The following MEI4 variants were observed in gnomAD, a reference collection of about 807,000 sequenced individuals.
MEI4 encodes meiotic double-stranded break formation protein 4.
A neutral mutation model predicts 31.4 loss-of-function variants in MEI4; 27 were observed. The ratio of observed to expected loss-of-function variants is 0.86; its 90% confidence interval spans 0.63 to 1.19. The LOEUF (loss-of-function observed/expected upper bound fraction) is 1.19, where lower values mean the gene tolerates loss of function less well. MEI4 is among the 50% of genes most tolerant of loss of function. MEI4 has a pLI of 0.00. For synonymous variants in MEI4, 122 were observed against 145.4 expected (o/e 0.84, Z 1.16); for missense variants, 329 against 398.9 (o/e 0.82, Z 1.49).
At chr6:77,922,612 A>G (rs79203828) in intron 4 of MEI4, among the ~76,000 whole-genome samples, 199 of 151,848 alleles carry the variant, frequency 1.3e-3, no homozygotes, top group Non-Finnish European at 2.4e-3. Flanking sequence ...ATATGATTCA[A>G]TGCTACCCCT....
intron 4 of MEI4, among the ~76,000 whole-genome samples, chr6:77,841,331 A>ATTTTTT (rs1562008564): frequency 2.0e-4 from 7 of 35,448 alleles, no homozygotes; most frequent in African/African-American, 1.6e-3. Flanking sequence ...ATATATATAT[A>ATTTTTT]TATTTTTTTT....
intron 3 of MEI4, among the ~76,000 whole-genome samples, chr6:77,803,115 G>A (rs1368487868): frequency 6.6e-6 from 1 of 152,202 alleles, no homozygotes; most frequent in Non-Finnish European, 1.5e-5. Context: ...ACACCAATCA[G>A]TTGTAGATTT....
intron 3 of MEI4, among the ~76,000 whole-genome samples, chr6:77,793,134 A>G (rs546153768): frequency 6.6e-6 from 1 of 152,020 alleles, no homozygotes; most frequent in Non-Finnish European, 1.5e-5. Flanking sequence ...TTAAAGAGAG[A>G]CTCTTGAAAG....
chr6:77,742,303 G>T (rs558833981), intron 2 of MEI4, among the ~76,000 whole-genome samples: 186 of 151,634 alleles, frequency 1.2e-3, no homozygotes, highest in African/African-American at 4.4e-3. Flanking sequence ...ACTTTTTAAT[G>T]ATTGCCATTC....
chr6:77,902,875 C>T (rs1766213478), intron 4 of MEI4, among the ~76,000 whole-genome samples: 1 of 152,088 alleles, frequency 6.6e-6, no homozygotes, highest in Non-Finnish European at 1.5e-5. Context: ...ATGTATAAAA[C>T]CAAACTGTGT....
intron 3 of MEI4, among the ~76,000 whole-genome samples, chr6:77,824,833 A>T (rs181052598): frequency 6.4e-4 from 97 of 152,256 alleles, no homozygotes; most frequent in African/African-American, 1.6e-3. Flanking sequence ...CATTGTTCCA[A>T]TAGACATAAT....
rs1768032511 is a variant in MEI4, at chr6:77,761,052, G to A, written c.233-78G>A. 6 of 958,626 alleles carry A rather than the reference G, an allele frequency of 6.3e-6. No homozygotes were observed. In the South Asian group the frequency reaches 1.6e-4, roughly 26 times the overall value. The allele number at this position is 958,626 out of a possible 1,614,324, so 59.4% of individuals were successfully genotyped here. ...TTATATACTTCATTTCTTATTTTAA[G>A]ATAAGTATCAATGGCTAGTTTTACA... is the stretch of plus-strand genomic sequence containing the variant. On this transcript the variant is annotated intron_variant, in intron 2 of 4. Coordinates refer to ENST00000684080, the MANE Select transcript of MEI4 (RefSeq NM_001322247.2).
At chr6:77,652,385 T>C (rs927238577), upstream of MEI4, among the ~76,000 whole-genome samples, 1 of 152,190 alleles carries the variant, frequency 6.6e-6, no homozygotes, top group African/African-American at 2.4e-5. Context: ...GGTTTGCAAG[T>C]GGTCTTAAGG....
intron 4 of MEI4, among the ~76,000 whole-genome samples, chr6:77,884,652 T>A (rs78831918): frequency 6.6e-6 from 1 of 152,320 alleles, no homozygotes; most frequent in Non-Finnish European, 1.5e-5. Context: ...TTGTTGAAGA[T>A]CAGTTGGCTG....
intron 4 of MEI4, among the ~76,000 whole-genome samples, chr6:77,909,364 G>C (rs1766376996): frequency 6.6e-6 from 1 of 152,030 alleles, no homozygotes; most frequent in Non-Finnish European, 1.5e-5. Flanking sequence ...AATAAAAAAT[G>C]ATAAAGGGGA....
intron 3 of MEI4, among the ~76,000 whole-genome samples, chr6:77,798,694 C>G (rs1353791469): frequency 7.0e-6 from 1 of 142,608 alleles, no homozygotes; most frequent in Admixed American, 7.5e-5. Flanking sequence ...TTCCTGTGTC[C>G]ATGTGTTCTC....
chr6:77,683,236 A>G (rs1034269448), intron 1 of MEI4, among the ~76,000 whole-genome samples: 8 of 152,132 alleles, frequency 5.3e-5, no homozygotes, highest in Admixed American at 5.2e-4. Flanking sequence ...TTAATTAGCT[A>G]AAATCTTCTT....
intron 3 of MEI4, among the ~76,000 whole-genome samples, chr6:77,763,575 A>T (rs1005991833): frequency 6.6e-6 from 1 of 152,180 alleles, no homozygotes; most frequent in Non-Finnish European, 1.5e-5. Flanking sequence ...ATGGCAAGTG[A>T]CATAGGAAAT....
At chr6:77,914,686 A>G (rs1581976564) in intron 4 of MEI4, among the ~76,000 whole-genome samples, 1 of 152,092 alleles carries the variant, frequency 6.6e-6, no homozygotes, top group South Asian at 2.1e-4. Context: ...GAAGTTCCCA[A>G]CTATTAGAGT....
chr6:77,840,014 C>T (rs537245408), intron 4 of MEI4, among the ~76,000 whole-genome samples: 4 of 152,258 alleles, frequency 2.6e-5, no homozygotes, highest in African/African-American at 7.2e-5. Flanking sequence ...TATAACTATG[C>T]TCCTTGAGGT....
rs888568725 is a variant in MEI4, at chr6:77,736,421, C to G, written c.233-24709C>G. Among the ~76,000 whole-genome samples, 3 of 152,090 alleles carry G rather than the reference C, an allele frequency of 2.0e-5. No homozygotes were observed. In the East Asian group the frequency reaches 5.8e-4, roughly 29 times the overall value. ...TCCAGGTGCCATCTGTCACCCCTTT[C>G]TTTGACTAGGAAAGGGAACTCCCTG... On this transcript the variant is annotated intron_variant, in intron 2 of 4. Coordinates refer to ENST00000684080, the MANE Select transcript of MEI4 (RefSeq NM_001322247.2).
At chr6:77,837,603 G>C (rs1325502600) in intron 4 of MEI4, among the ~76,000 whole-genome samples, 2 of 152,072 alleles carry the variant, frequency 1.3e-5, no homozygotes, top group East Asian at 3.9e-4. Flanking sequence ...AAGTTTTACT[G>C]GAACACAAAT....
chr6:77,679,772 G>A (rs938779101), intron 1 of MEI4, among the ~76,000 whole-genome samples: 164 of 151,592 alleles, frequency 1.1e-3, no homozygotes, highest in Admixed American at 3.3e-4. Context: ...AGACAGTCTC[G>A]CTCCGTCTCC....
chr6:77,719,406 T>G (rs1766663130), intron 2 of MEI4, among the ~76,000 whole-genome samples: 1 of 127,530 alleles, frequency 7.8e-6, no homozygotes. Flanking sequence ...GGACTGACAA[T>G]AGGTACTTCT....
Sources: allele counts gnomAD v4.1 joint callset (sites outside exome capture counted in the v4.1 genomes callset), GRCh38; gene constraint gnomAD v4.1.1; transcripts MANE v1.5; gene names NCBI Gene and HGNC (gene_info 2026-07-23, HGNC 2026-07-21).